Variants in ST3GAL1 observed in about 807,000 individuals in gnomAD.
ST3GAL1 encodes the protein CMP-N-acetylneuraminate-beta-galactosamide-alpha-2,3-sialyltransferase 1.
In ST3GAL1, 16 loss-of-function variants were observed where a neutral mutation model predicts 34.1. The ratio of observed to expected loss-of-function variants is 0.47; its 90% CI spans 0.32 to 0.71. ST3GAL1 has a LOEUF of 0.71. ST3GAL1 is among the 30% of genes least tolerant of loss of function. The pLI is 0.04. For synonymous variants in ST3GAL1, 191 were observed against 184.7 expected (o/e 1.03, Z -0.28); for missense variants, 353 against 447.4 (o/e 0.79, Z 1.90).
intron 2 of ST3GAL1, among the ~76,000 whole-genome samples, chr8:133,506,942 A>T (rs980193791): frequency 8.2e-6 from 1 of 121,336 alleles, no homozygotes; most frequent in East Asian, 2.1e-4. Context: ...TAAATATATA[A>T]ATAAATAAAT....
chr8:133,528,426 C>G (rs1457182196), intron 2 of ST3GAL1, among the ~76,000 whole-genome samples: 1 of 152,240 alleles, frequency 6.6e-6, no homozygotes, highest in Non-Finnish European at 1.5e-5. Flanking sequence ...GGGCACAATC[C>G]TGACTGCAGG....
intron 2 of ST3GAL1, among the ~76,000 whole-genome samples, chr8:133,503,244 C>CA (rs397777371): frequency 5.3e-5 from 8 of 152,134 alleles, no homozygotes; most frequent in Non-Finnish European, 4.4e-5. Flanking sequence ...TAACGCCCCC[C>CA]AACAAACGTT....
chr8:133,460,276 G>C (rs1410497931), intron 9 of ST3GAL1, among the ~76,000 whole-genome samples: 2 of 152,182 alleles, frequency 1.3e-5, no homozygotes, highest in African/African-American at 4.8e-5. Context: ...ATAGGAAGGA[G>C]GGCGTGGAAT....
At chr8:133,502,294 C>A (rs1271251499) in intron 2 of ST3GAL1, among the ~76,000 whole-genome samples, 1 of 151,790 alleles carries the variant, frequency 6.6e-6, no homozygotes, top group East Asian at 1.9e-4. Context: ...TCCCCCACAC[C>A]CCCACCAAAT....
rs755508756 is a variant in ST3GAL1, at chr8:133,464,867, C to T, written c.594G>A (p.Leu198=). 16 of 1,614,130 alleles carry T rather than the reference C, an allele frequency of 9.9e-6. No individual in the cohort carries two copies. Among genetic ancestry groups the T allele is most frequent in the South Asian group, 2.2e-5 (2 of 91,076 alleles). ...HLVYPESFRE[L]GDNVSMILVP... is the part of the protein sequence containing the mutation. ...CCAGGATCATGCTGACATTATCTCC[C>T]AGCTCCCGGAAGCTCTCAGGGTACA... Residue 198 remains leucine, a synonymous_variant, in exon 7 of 10, where the codon CTG becomes CTA. Coordinates refer to ENST00000522652, the MANE Select transcript of ST3GAL1 (RefSeq NM_173344.3).
rs944469573 is a variant in ST3GAL1 at position 133,534,637 on chromosome 8, G to A, written c.-429+11137C>T. On this transcript the variant is annotated intron_variant, in intron 2 of 9. Transcript: ENST00000522652. ...AAAGGACCAGGAGCCCACAGACATGGGGTCCGCCCATTTCCAGTTCTCCAA... is the reference window on the plus strand; with the variant it reads ...AAAGGACCAGGAGCCCACAGACATGAGGTCCGCCCATTTCCAGTTCTCCAA... 5.3e-5 allele frequency among the ~76,000 whole-genome samples: 8 copies of A among 152,324 alleles called. 1 individual carries two copies. The highest frequency in any genetic ancestry group is 3.4e-3 in the Middle Eastern group (1 of 294).
At chr8:133,464,199 C>T (rs115864384) in intron 7 of ST3GAL1, among the ~76,000 whole-genome samples, 1,776 of 152,264 alleles carry the variant, frequency 0.012, 37 homozygotes, top group African/African-American at 0.041. Flanking sequence ...AGAGTCCTCA[C>T]TGGGAGGAGC....
intron 2 of ST3GAL1, among the ~76,000 whole-genome samples, chr8:133,529,012 G>T (rs756964024): frequency 1.8e-4 from 27 of 152,220 alleles, no homozygotes; most frequent in Admixed American, 3.9e-4. Flanking sequence ...AGACACATGG[G>T]GCTCTGCAAC....
At chr8:133,482,182 AAGTCCTG>A (rs1816419758) in intron 3 of ST3GAL1, among the ~76,000 whole-genome samples, 1 of 152,072 alleles carries the variant, frequency 6.6e-6, no homozygotes, top group African/African-American at 2.4e-5. Context: ...TTCGCACCTC[AAGTCCTG>A]GCTGCTTTAG....
At chr8:133,527,357 G>A (rs181667706) in intron 2 of ST3GAL1, among the ~76,000 whole-genome samples, 18 of 152,234 alleles carry the variant, frequency 1.2e-4, no homozygotes, top group Admixed American at 5.9e-4. Flanking sequence ...CAACAGTGTC[G>A]GCATCGGGAG....
chr8:133,562,856 T>TCTTTC (rs1563744763), intron 1 of ST3GAL1, among the ~76,000 whole-genome samples: 10 of 142,726 alleles, frequency 7.0e-5, no homozygotes, highest in African/African-American at 2.6e-4. Context: ...CTTTCTTTTT[T>TCTTTC]TTTTTTTTTT....
At chr8:133,477,321 A>T (rs1816216496) in intron 3 of ST3GAL1, among the ~76,000 whole-genome samples, 1 of 152,230 alleles carries the variant, frequency 6.6e-6, no homozygotes, top group South Asian at 2.1e-4. Context: ...ATATTCTCTG[A>T]TGATCCACTA....
At chr8:133,520,093 T>A (rs1817757184) in intron 2 of ST3GAL1, among the ~76,000 whole-genome samples, 1 of 152,252 alleles carries the variant, frequency 6.6e-6, no homozygotes, top group South Asian at 2.1e-4. Context: ...GCATATTTAC[T>A]GAGCAGCTGC....
chr8:133,558,180 C>T (rs1446484515), intron 1 of ST3GAL1, among the ~76,000 whole-genome samples: 1 of 152,184 alleles, frequency 6.6e-6, no homozygotes, highest in African/African-American at 2.4e-5. Context: ...GCACAGAGCT[C>T]CCTACCACAG....
intron 2 of ST3GAL1, among the ~76,000 whole-genome samples, chr8:133,518,980 G>A (rs1362210146): frequency 1.3e-5 from 2 of 152,126 alleles, no homozygotes; most frequent in Admixed American, 6.5e-5. Context: ...CCCGTGGAGG[G>A]AAGAGAGGAG....
chr8:133,566,185 G>C (rs1034242174), intron 1 of ST3GAL1, among the ~76,000 whole-genome samples: 17 of 152,196 alleles, frequency 1.1e-4, no homozygotes, highest in African/African-American at 3.4e-4. Flanking sequence ...GCTGTGTCCT[G>C]CCCTAGGGAC....
intron 1 of ST3GAL1, among the ~76,000 whole-genome samples, chr8:133,559,964 C>A (rs546823994): frequency 9.9e-5 from 15 of 152,276 alleles, no homozygotes; most frequent in East Asian, 9.6e-4. Flanking sequence ...TGAGTTCTTG[C>A]AAGCAGCCAT....
intron 2 of ST3GAL1, 191 bp from the exon 3 acceptor site, chr8:133,499,380 A>T (rs112197249): frequency 2.5e-4 from 38 of 152,344 alleles, no homozygotes; most frequent in African/African-American, 9.1e-4. Flanking sequence ...ACTGGATGGG[A>T]GCCAGGGGAC....
intron 3 of ST3GAL1, among the ~76,000 whole-genome samples, chr8:133,491,517 G>A (rs1170979649): frequency 2.0e-5 from 3 of 152,066 alleles, no homozygotes; most frequent in Admixed American, 6.6e-5. Context: ...GGCCGCTCTG[G>A]AGCCGAGATT....
Sources: gnomAD v4.1 joint callset for allele counts (sites outside exome capture counted in the v4.1 genomes callset) on GRCh38, gnomAD v4.1.1 for gene constraint, MANE v1.5 for transcripts, NCBI Gene and HGNC (gene_info 2026-07-23, HGNC 2026-07-21) for gene names.